FLG: variants seen among roughly 807,000 people sequenced by gnomAD.
The protein encoded by FLG is epidermal filaggrin.
A neutral mutation model predicts 3.8 loss-of-function variants in FLG; 6 were observed. The ratio of observed to expected loss-of-function variants is 1.60; its 90% CI spans 0.87 to 3.15. The LOEUF (loss-of-function observed/expected upper bound fraction) is 3.15, where lower values mean the gene tolerates loss of function less well. Ranked by LOEUF, FLG falls within the 30% of genes most tolerant of loss-of-function variation. FLG has a pLI of 0.00. For missense variants in FLG, 7,595 were observed against 5,050.9 expected (o/e 1.50, Z -15.27); for synonymous variants, 2,551 against 1,931.6 (o/e 1.32, Z -8.41).
At position 152,309,621 on chromosome 1, in the gene FLG, T is replaced by G; in HGVS notation, c.5265A>C (p.Ser1755=). ...ACCCTGAACGTCCAGACCTTTCCCC[T>G]GACTGGCCACGTGTGGACTCTTGGT... ...QSHQESTRGQ[S]GERSGRSGSF... Residue 1755 remains serine, a synonymous_variant, in exon 3 of 3, where the codon TCA becomes TCC. Transcript: ENST00000368799. 6 of 1,613,956 alleles carry G rather than the reference T, an allele frequency of 3.7e-6. No homozygotes were observed. Among genetic ancestry groups the G allele is most frequent in the Non-Finnish European group, 5.1e-6 (6 of 1,179,958 alleles).
rs746029503 is a variant in FLG at position 152,310,754 on chromosome 1, C to G, written c.4132G>C (p.Ala1378Pro). ...SRHSGIGHRQ[A>P]SSAVRDSGHR... ...CCACTGTCTCTGACTGCAGATGAAG[C>G]TTGTCTGTGCCCAATGCCTGAGTGT... The change falls in exon 3 of 3, where the codon GCT becomes CCT. Residue 1378 changes from alanine (A) to proline (P), a missense_variant. Coordinates refer to ENST00000368799, the MANE Select transcript of FLG (RefSeq NM_002016.2). The G allele has an allele frequency of 4.3e-6, 7 of 1,613,934 alleles. No individual in the cohort carries two copies. In the East Asian group the frequency reaches 1.3e-4, roughly 31 times the overall value.
Position 152,313,377 on chromosome 1 carries a change from GCTGT to G in FLG, c.1505_1508del (p.Asp502AlafsTer34). 6.2e-7 allele frequency: 1 copy of G among 1,613,546 alleles called. No homozygotes were observed. Among genetic ancestry groups the G allele is most frequent in the Non-Finnish European group, 8.5e-7 (1 of 1,179,870 alleles). ...CCTCTTGGGACGCTGAATGCCTGGA[GCTGT>G]CTCGTGCCTGCTCGTGGTGCGATCC... On this transcript the variant is annotated frameshift_variant, in exon 3 of 3. Transcript: ENST00000368799. LOFTEE classifies it low-confidence loss of function (END_TRUNC).
chr1:152,307,711 T>C lies in FLG; in HGVS notation c.7175A>G (p.His2392Arg), dbSNP rs1390612297. 3 of 1,613,048 alleles carry C rather than the reference T, an allele frequency of 1.9e-6. No individual in the cohort carries two copies. Among genetic ancestry groups the C allele is most frequent in the Admixed American group, 1.7e-5 (1 of 59,898 alleles). The change falls in exon 3 of 3, where the codon CAT becomes CGT. Residue 2392 changes from histidine to arginine, a missense_variant. His to Arg is a conservative substitution (Grantham distance 29). Coordinates refer to ENST00000368799, the MANE Select transcript of FLG (RefSeq NM_002016.2). Reference protein sequence around the residue: ...SVSAHGQAGPHQQSHQESTRG... With the variant: ...SVSAHGQAGPRQQSHQESTRG... ...TGTGGACTCTTGGTGGCTCTGCTGA[T>C]GGGGCCCAGCCTGTCCGTGGGCTGA...
Position 152,317,336 on chromosome 1 carries a change from C to T in FLG, c.-21-1859G>A, listed in dbSNP as rs78360904. On this transcript the variant is annotated intron_variant, in intron 1 of 2. Transcript: ENST00000368799. ...AAATTCCTCAAAAGATATGCCTATA[C>T]ATTCTGTCTTTACTTCCTCATTCTT... Among the ~76,000 whole-genome samples, 218 of 152,122 alleles carry T rather than the reference C, an allele frequency of 1.4e-3. 7 individuals carry two copies. The East Asian group carries it at 0.029, about 20-fold the overall frequency.
Position 152,307,434 on chromosome 1 carries a change from T to G in FLG, c.7452A>C (p.Arg2484Ser), listed in dbSNP as rs111937188. 19 of 1,612,826 alleles carry G rather than the reference T, an allele frequency of 1.2e-5. No individual in the cohort carries two copies. The highest frequency in any genetic ancestry group is 4.4e-5 in the South Asian group (4 of 91,002). ...QGSHYEQLVD[R>S]SGHSGSHHSH... The stretch of plus-strand genomic sequence containing the variant: ...TGTGATGAGACCCTGAGTGTCCAGA[T>G]CTATCTACCAATTGCTCGTAGTGGG... The change falls in exon 3 of 3, where the codon AGA (arginine) becomes AGC (serine). Residue 2484 changes from arginine (R) to serine (S), a missense_variant. Transcript: ENST00000368799.
chr1:152,304,979 C>G lies in FLG; in HGVS notation c.9907G>C (p.Gly3303Arg). 1.9e-6 allele frequency: 3 copies of G among 1,613,740 alleles called. No individual in the cohort carries two copies. The highest frequency in any genetic ancestry group is 2.5e-6 in the Non-Finnish European group (3 of 1,179,940). The change falls in exon 3 of 3, where the codon GGA becomes CGA. Residue 3303 changes from glycine to arginine, a missense_variant. Coordinates refer to ENST00000368799, the MANE Select transcript of FLG (RefSeq NM_002016.2). ...TCTGCTGACTGCTGGTGGCGGGATCCGTGTCTCTCTCCTGGACTTGATCTT... is the reference window on the plus strand; with the variant it reads ...TCTGCTGACTGCTGGTGGCGGGATCGGTGTCTCTCTCCTGGACTTGATCTT... ...QARSSPGERH[G>R]SRHQQSADSS...
At chr1:152,321,169 CTGT>C in intron 1 of FLG, among the ~76,000 whole-genome samples, 1 of 150,660 alleles carries the variant, frequency 6.6e-6, no homozygotes, top group African/African-American at 2.4e-5. Flanking sequence ...TTTTCAATCA[CTGT>C]TATCATTTTT....
Position 152,304,770 on chromosome 1 carries a change from T to A in FLG, c.10116A>T (p.Ala3372=). 6.2e-7 allele frequency: 1 copy of A among 1,613,658 alleles called. No homozygotes were observed. Among genetic ancestry groups the A allele is most frequent in the Non-Finnish European group, 8.5e-7 (1 of 1,179,900 alleles). ...CAGACCTTCCCCCTGACCGGTCACG[T>A]GCGGACTCTTGGTGGCTCTGCTGAT... The part of the protein sequence containing the change: ...GPHQQSHQES[A]RDRSGGRSGR... The change falls in exon 3 of 3, where the codon GCA becomes GCT. Residue 3372 remains alanine (A), a synonymous_variant. Coordinates refer to ENST00000368799, the MANE Select transcript of FLG (RefSeq NM_002016.2).
intron 2 of FLG, 116 bp from the exon 3 acceptor site, chr1:152,314,863 A>AT: frequency 7.2e-7 from 1 of 1,395,602 alleles, no homozygotes; most frequent in Non-Finnish European, 9.8e-7. Context: ...GTGGGACAAA[A>AT]TCTTTTTTTT....
rs1388826890 is a variant in FLG, at chr1:152,311,223, A to G, written c.3663T>C (p.Arg1221=). 2 of 1,612,308 alleles carry G rather than the reference A, an allele frequency of 1.2e-6. No homozygotes were observed. Among genetic ancestry groups the G allele is most frequent in the African/African-American group, 1.3e-5 (1 of 74,256 alleles). ...SGSRSASRQT[R]KDKQSGDGSR... ...AGCCGTCTCCTGATTGTTTGTCCTT[A>G]CGAGTTTGTCTGCTTGCACTTCTGG... Residue 1221 remains arginine, a synonymous_variant, in exon 3 of 3, where the codon CGT becomes CGC. Coordinates refer to ENST00000368799, the MANE Select transcript of FLG (RefSeq NM_002016.2).
At chr1:152,320,996 T>C (rs1249950728) in intron 1 of FLG, among the ~76,000 whole-genome samples, 1 of 150,898 alleles carries the variant, frequency 6.6e-6, no homozygotes, top group Non-Finnish European at 1.5e-5. Context: ...GAGAAAAATA[T>C]GAAATAGCAT....
Position 152,310,985 on chromosome 1 carries a change from G to C in FLG, c.3901C>G (p.Gln1301Glu). 6.2e-7 allele frequency: 1 copy of C among 1,613,954 alleles called. No homozygotes were observed. The highest frequency in any genetic ancestry group is 1.1e-5 in the South Asian group (1 of 91,048). The change falls in exon 3 of 3, where the codon CAG becomes GAG. Residue 1301 changes from glutamine (Q) to glutamate (E), a missense_variant. Transcript: ENST00000368799. ...GGGTGTCTGGAGCCATCTCTTGACT[G>C]CTCCCGAGAAGATCCATGATGGTTT... ...SRNHHGSSRE[Q>E]SRDGSRHPGF... is the part of the protein sequence containing the mutation.
Position 152,315,463 on chromosome 1 carries a change from G to A in FLG, c.-7C>T. 6.2e-7 allele frequency: 1 copy of A among 1,608,886 alleles called. No individual in the cohort carries two copies. Among genetic ancestry groups the A allele is most frequent in the Non-Finnish European group, 8.5e-7 (1 of 1,177,590 alleles). ...TTTCCAGGAGAGTAGACATCTTTTGGCAATAAATGTGAACCTAGAAAGAAG... is the reference window on the plus strand; with the variant it reads ...TTTCCAGGAGAGTAGACATCTTTTGACAATAAATGTGAACCTAGAAAGAAG... On this transcript the variant is annotated 5_prime_UTR_variant, in exon 2 of 3. Transcript: ENST00000368799.
At chr1:152,319,714 A>T (rs1160779450) in intron 1 of FLG, among the ~76,000 whole-genome samples, 1 of 151,470 alleles carries the variant, frequency 6.6e-6, no homozygotes, top group African/African-American at 2.4e-5. Context: ...AATAAGTTAT[A>T]TGTTAACAGT....
rs1276612381 is a variant in FLG, at chr1:152,302,900, G to T, written c.11986C>A (p.His3996Asn). Residue 3996 changes from histidine to asparagine, a missense_variant, in exon 3 of 3, where the codon CAC becomes AAC. By Grantham distance (68) the His-to-Asn change is moderately conservative (BLOSUM62 1). Transcript: ENST00000368799. ...YGESGFRHSQ[H>N]GSVSYNSNPV... Reference sequence around the variant, plus strand: ...TTGGAATTGTAACTAACACTTCCGTGCTGAGAGTGTCTAAACCCGGATTCA... The same window carrying T: ...TTGGAATTGTAACTAACACTTCCGTTCTGAGAGTGTCTAAACCCGGATTCA... 1 of 1,614,126 alleles carries T rather than the reference G, an allele frequency of 6.2e-7. No homozygotes were observed.
intron 1 of FLG, among the ~76,000 whole-genome samples, chr1:152,324,585 T>G (rs749732980): frequency 1.3e-5 from 2 of 151,920 alleles, no homozygotes; most frequent in Non-Finnish European, 2.9e-5. Context: ...TACTACAAGC[T>G]TGTCCAATCT....
rs140164593 is a variant in FLG at position 152,309,467 on chromosome 1, G to T, written c.5419C>A (p.Gln1807Lys). ...ARDSSRHSAS[Q>K]EGQDTIRGHP... ...CCACGAATGGTGTCCTGACCCTCTT[G>T]GGACGCTGAGTGCCTGGAGCTGTCT... The change falls in exon 3 of 3, where the codon CAA becomes AAA. Residue 1807 changes from glutamine (Q) to lysine (K), a missense_variant. Physicochemically the swap from Gln to Lys is moderately conservative, Grantham distance 53. Transcript: ENST00000368799. 1 of 1,613,416 alleles carries T rather than the reference G, an allele frequency of 6.2e-7. No individual in the cohort carries two copies. Among genetic ancestry groups the T allele is most frequent in the Non-Finnish European group, 8.5e-7 (1 of 1,179,942 alleles).
Position 152,309,585 on chromosome 1 carries a change from G to C in FLG, c.5301C>G (p.Tyr1767Ter), listed in dbSNP as rs1222103354. The C allele has an allele frequency of 6.2e-7, 1 of 1,613,752 alleles. No homozygotes were observed. Among genetic ancestry groups the C allele is most frequent in the Non-Finnish European group, 8.5e-7 (1 of 1,179,952 alleles). ...ERSGRSGSFL[Y>*]QVSTHEQSES... ...CAGACTGTTCATGAGTGCTCACCTG[G>C]TAGAGGAAAGACCCTGAACGTCCAG... The change falls in exon 3 of 3, where the codon TAC becomes TAG. Residue 1767 changes from tyrosine (Y) to a stop codon, truncating the protein, a stop_gained. Transcript: ENST00000368799. LOFTEE classifies it low-confidence loss of function (END_TRUNC).
chr1:152,303,359 A>G lies in FLG; in HGVS notation c.11527T>C (p.Ser3843Pro). The stretch of plus-strand genomic sequence containing the variant: ...GCTGATTCACCCTGGCCGGACTGTG[A>G]GTGTCTAGAGCTGTCAGCCTGAGTG... ...ASTQADSSRH[S>P]QSGQGESAGS... is the part of the protein sequence containing the mutation. Residue 3843 changes from serine to proline, a missense_variant, in exon 3 of 3, where the codon TCA becomes CCA. Coordinates refer to ENST00000368799, the MANE Select transcript of FLG (RefSeq NM_002016.2). 1 of 1,613,944 alleles carries G rather than the reference A, an allele frequency of 6.2e-7. No homozygotes were observed. The highest frequency in any genetic ancestry group is 8.5e-7 in the Non-Finnish European group (1 of 1,179,996).
Sources: allele counts gnomAD v4.1 joint callset (sites outside exome capture counted in the v4.1 genomes callset), GRCh38; gene constraint gnomAD v4.1.1; transcripts MANE v1.5; gene names NCBI Gene and HGNC (gene_info 2026-07-23, HGNC 2026-07-21).